VWF: variants seen among roughly 807,000 people sequenced by gnomAD.
VWF encodes von Willebrand factor, also known as Factor VIII related antigen.
VWF carries 176 observed loss-of-function variants against 308.6 expected under a neutral mutation model. The observed-to-expected ratio is 0.57, with a 90% confidence interval of 0.50 to 0.65. The LOEUF is 0.65. Ranked by LOEUF, VWF falls within the 30% of genes least tolerant of loss-of-function variation. VWF has a pLI of 0.00. For missense variants in VWF, 3,146 were observed against 3,648.2 expected (o/e 0.86, Z 3.55); for synonymous variants, 1,385 against 1,443.4 (o/e 0.96, Z 0.92).
In VWF at chr12:6,071,348, T is replaced by C. The variant is rs1944779050; in HGVS notation, c.1110-5A>G. The stretch of plus-strand genomic sequence containing the variant: ...CACTGGCTGTTTCGGCAAATGCTGT[T>C]GGAGGGAAAAAGCACAGGTCATTGG... On this transcript the variant is annotated splice_polypyrimidine_tract_variant and splice_region_variant and intron_variant, in intron 9 of 51. Coordinates refer to ENST00000261405, the MANE Select transcript of VWF (RefSeq NM_000552.5). 1 of 1,614,114 alleles carries C rather than the reference T, an allele frequency of 6.2e-7. No homozygotes were observed. Among genetic ancestry groups the C allele is most frequent in the Middle Eastern group, 1.6e-4 (1 of 6,062 alleles).
At chr12:5,956,969 A>G (rs1943258994) in intron 47 of VWF, among the ~76,000 whole-genome samples, 1 of 152,184 alleles carries the variant, frequency 6.6e-6, no homozygotes, top group Non-Finnish European at 1.5e-5. Flanking sequence ...ACTCACCAAG[A>G]GCAACTTCCA....
Position 6,019,107 on chromosome 12 carries a change from G to A in VWF, c.4311C>T (p.Ala1437=). The change falls in exon 28 of 52, where the codon GCC becomes GCT. Residue 1437 remains alanine, a synonymous_variant. Transcript: ENST00000261405. This position sits in a 1 kb window ranked among gnomAD's most constrained non-coding sequence, Gnocchi z 5.8. Reference sequence around the variant, plus strand: ...GCTCATCCACACTGCTCAGCACGAAGGCCTTGTTCTCAGGGGCCTGCTTCT... The same window carrying A: ...GCTCATCCACACTGCTCAGCACGAAAGCCTTGTTCTCAGGGGCCTGCTTCT... The part of the protein sequence containing the change: ...LIEKQAPENK[A]FVLSSVDELE... The A allele has an allele frequency of 1.2e-6, 2 of 1,613,902 alleles. No homozygotes were observed. Among genetic ancestry groups the A allele is most frequent in the South Asian group, 2.2e-5 (2 of 91,054 alleles).
chr12:6,107,897 AT>A (rs1323228099), intron 5 of VWF, among the ~76,000 whole-genome samples: 1 of 151,914 alleles, frequency 6.6e-6, no homozygotes, highest in Non-Finnish European at 1.5e-5. Flanking sequence ...TGACCTCATG[AT>A]CCGCCCACTT....
intron 5 of VWF, among the ~76,000 whole-genome samples, chr12:6,103,156 A>G (rs569089822): frequency 4.6e-5 from 7 of 151,924 alleles, no homozygotes; most frequent in East Asian, 3.9e-4. Flanking sequence ...GTGAAACCCC[A>G]TCTCTACTAA....
intron 34 of VWF, among the ~76,000 whole-genome samples, chr12:6,004,049 C>A (rs1249021457): frequency 6.6e-6 from 1 of 151,896 alleles, no homozygotes; most frequent in African/African-American, 2.4e-5. Flanking sequence ...AATCTCCTGA[C>A]CTCATTCATG....
intron 41 of VWF, among the ~76,000 whole-genome samples, chr12:5,982,368 A>T (rs976101874): frequency 9.2e-5 from 14 of 152,166 alleles, no homozygotes; most frequent in African/African-American, 3.4e-4. Flanking sequence ...GCACTGTTCT[A>T]TGCCAGGAGC....
At chr12:6,053,224 C>T (rs1216123373) in intron 15 of VWF, among the ~76,000 whole-genome samples, 3 of 152,130 alleles carry the variant, frequency 2.0e-5, no homozygotes, top group Non-Finnish European at 2.9e-5. Flanking sequence ...GGGCATACCC[C>T]GTGACAACAA....
At position 5,969,265 on chromosome 12, in the gene VWF, A is replaced by T. The variant is rs1943441420; in HGVS notation, c.7675T>A (p.Ser2559Thr). 3.7e-6 allele frequency: 6 copies of T among 1,614,052 alleles called. No individual in the cohort carries two copies. The highest frequency in any genetic ancestry group is 1.3e-5 in the African/African-American group (1 of 74,930). The change falls in exon 45 of 52, where the codon TCG becomes ACG. Residue 2559 changes from serine (S) to threonine (T), a missense_variant. By Grantham distance (58) the Ser-to-Thr change is moderately conservative. Coordinates refer to ENST00000261405, the MANE Select transcript of VWF (RefSeq NM_000552.5). The stretch of plus-strand genomic sequence containing the variant: ...GTCTTACAGCTCAGCTGAAAGCCCG[A>T]GGGGCAGACAGGGACCTCCAGCTGG... ...CPQLEVPVCP[S>T]GFQLSCKTSA...
intron 6 of VWF, among the ~76,000 whole-genome samples, chr12:6,078,781 C>T (rs1476500718): frequency 1.3e-5 from 2 of 152,302 alleles, no homozygotes; most frequent in East Asian, 3.9e-4. Context: ...CCTCCCCTCT[C>T]AGAGCCGTGA....
At position 6,029,430 on chromosome 12, in the gene VWF, C is replaced by A; in HGVS notation, c.2879G>T (p.Arg960Leu). 2 of 1,614,104 alleles carry A rather than the reference C, an allele frequency of 1.2e-6. No individual in the cohort carries two copies. The highest frequency in any genetic ancestry group is 1.7e-6 in the Non-Finnish European group (2 of 1,180,012). The part of the protein sequence containing the change: ...ETHFEVVESG[R>L]YIILLLGKAL... Reference sequence around the variant, plus strand: ...TTTGCCCAGCAGCAGAATGATGTACCGGCCAGACTCCACCACCTCAAAGTG... The same window carrying A: ...TTTGCCCAGCAGCAGAATGATGTACAGGCCAGACTCCACCACCTCAAAGTG... Residue 960 changes from arginine to leucine, a missense_variant, in exon 22 of 52, where the codon CGG (arginine) becomes CTG (leucine). By Grantham distance (102) the Arg-to-Leu change is moderately radical. This residue lies in a region of VWF where 1,304 missense variants were observed against 1,353.0 expected (regional missense o/e 0.96). Coordinates refer to ENST00000261405, the MANE Select transcript of VWF (RefSeq NM_000552.5).
intron 20 of VWF, among the ~76,000 whole-genome samples, chr12:6,032,709 C>T (rs148433713): frequency 1.6e-4 from 24 of 152,078 alleles, no homozygotes; most frequent in African/African-American, 5.5e-4. Flanking sequence ...ACTGAGCAAA[C>T]CACTTACCTT....
chr12:6,005,288 A>T (rs1943913276), intron 34 of VWF, among the ~76,000 whole-genome samples: 1 of 152,172 alleles, frequency 6.6e-6, no homozygotes, highest in South Asian at 2.1e-4. Flanking sequence ...TCAGAAAAAA[A>T]GTTCAGAAAT....
intron 5 of VWF, among the ~76,000 whole-genome samples, chr12:6,107,527 A>G (rs1945256468): frequency 6.6e-6 from 1 of 152,240 alleles, no homozygotes; most frequent in Non-Finnish European, 1.5e-5. Context: ...GGAAAAAGAT[A>G]CATCAAACAA....
intron 10 of VWF, among the ~76,000 whole-genome samples, chr12:6,069,463 C>T (rs1313462555): frequency 1.3e-5 from 2 of 152,118 alleles, no homozygotes; most frequent in East Asian, 3.9e-4. Flanking sequence ...ACTTTACAAG[C>T]AGAGCCAAGC....
chr12:6,057,521 TA>T (rs1944598294), intron 14 of VWF, among the ~76,000 whole-genome samples: 1 of 138,360 alleles, frequency 7.2e-6, no homozygotes, highest in Non-Finnish European at 1.6e-5. Context: ...TTATTATTAT[TA>T]TTATTTTAAT....
chr12:5,991,341 G>A (rs1474543560), intron 38 of VWF, among the ~76,000 whole-genome samples: 1 of 152,134 alleles, frequency 6.6e-6, no homozygotes, highest in African/African-American at 2.4e-5. Flanking sequence ...ATGGTTAGCT[G>A]GTGTTCTTTA....
At chr12:6,055,208 C>T (rs1189133845) in intron 15 of VWF, among the ~76,000 whole-genome samples, 3 of 152,174 alleles carry the variant, frequency 2.0e-5, no homozygotes, top group African/African-American at 7.2e-5. Flanking sequence ...TTTCAGTGGG[C>T]CCTTAGCATT....
intron 3 of VWF, among the ~76,000 whole-genome samples, chr12:6,118,590 T>C (rs1945394905): frequency 6.6e-6 from 1 of 151,918 alleles, no homozygotes; most frequent in African/African-American, 2.4e-5. Flanking sequence ...TTTCACCATG[T>C]TGGCCAGGCT....
intron 42 of VWF, 124 bp from the exon 43 acceptor site, chr12:5,976,384 G>A: frequency 7.9e-7 from 1 of 1,267,878 alleles, no homozygotes. Context: ...ACCAAATGTG[G>A]TCTCCGCCCA....
Sources: allele counts gnomAD v4.1 joint callset (sites outside exome capture counted in the v4.1 genomes callset), GRCh38; gene constraint gnomAD v4.1.1; regional missense constraint gnomAD v4.1.1; non-coding constraint Gnocchi (gnomAD v3.1); transcripts MANE v1.5; gene names NCBI Gene and HGNC (gene_info 2026-07-23, HGNC 2026-07-21).